Variants in GGH observed in about 807,000 individuals in gnomAD.
The protein encoded by GGH is gamma-glutamyl hydrolase.
A neutral mutation model predicts 39.2 loss-of-function variants in GGH; 18 were observed. The ratio of observed to expected loss-of-function variants is 0.46; its 90% CI spans 0.32 to 0.68. GGH has a LOEUF of 0.68. Ranked by LOEUF, GGH falls within the 30% of genes least tolerant of loss-of-function variation. The pLI is 0.04. For synonymous variants in GGH, 147 were observed against 138.8 expected (o/e 1.06, Z -0.42); for missense variants, 367 against 384.1 (o/e 0.96, Z 0.37).
chr8:63,020,971 A>G (rs978726563), intron 7 of GGH, among the ~76,000 whole-genome samples: 2 of 152,168 alleles, frequency 1.3e-5, no homozygotes, highest in East Asian at 1.9e-4. Flanking sequence ...AGCAAGGTAC[A>G]TCGGATTGGG....
chr8:63,030,195 A>T lies in GGH; in HGVS notation c.247T>A (p.Tyr83Asn), dbSNP rs755491329. 2 of 1,448,166 alleles carry T rather than the reference A, an allele frequency of 1.4e-6. No homozygotes were observed. Among genetic ancestry groups the T allele is most frequent in the Non-Finnish European group, 9.7e-7 (1 of 1,029,512 alleles). The allele number at this position is 1,448,166 out of a possible 1,614,324, so 89.7% of individuals were successfully genotyped here. A position where few individuals can be genotyped will look rare whatever the true frequency, so the allele number is the denominator to read the frequency against. ...PVRLDLTEKD[Y>N]EILFKSINGI... ...TTAATAGATTTGAAAAGTATTTCAT[A>T]GTCTTTCTCTGTAAGATCCAGCCTG... The change falls in exon 3 of 9, where the codon TAT becomes AAT. Residue 83 changes from tyrosine to asparagine, a missense_variant. Coordinates refer to ENST00000260118, the MANE Select transcript of GGH (RefSeq NM_003878.3).
chr8:63,019,348 T>G (rs4317561), intron 7 of GGH, among the ~76,000 whole-genome samples: 1 of 152,240 alleles, frequency 6.6e-6, no homozygotes, highest in South Asian at 2.1e-4. Context: ...AAAATTAAAG[T>G]TGAGCAAACT....
intron 7 of GGH, among the ~76,000 whole-genome samples, chr8:63,022,966 G>T (rs185106762): frequency 3.2e-4 from 49 of 152,034 alleles, no homozygotes; most frequent in African/African-American, 1.0e-3. Flanking sequence ...ATTTGTGCAG[G>T]TCTGCTTCCA....
At chr8:63,025,336 G>A (rs1483285086) in intron 5 of GGH, 1 of 152,098 alleles carries the variant, frequency 6.6e-6, no homozygotes, top group Non-Finnish European at 1.5e-5. Flanking sequence ...TATGAAAGAG[G>A]GGCTGGAGAT....
At chr8:63,036,549 A>C (rs1039966317) in intron 1 of GGH, among the ~76,000 whole-genome samples, 1 of 152,198 alleles carries the variant, frequency 6.6e-6, no homozygotes, top group African/African-American at 2.4e-5. Context: ...AGCACTAAGG[A>C]GAGAAAGACG....
At chr8:63,025,190 A>G (rs370826478) in intron 5 of GGH, 15 of 152,204 alleles carry the variant, frequency 9.9e-5, no homozygotes, top group African/African-American at 2.7e-4. Context: ...CCGGAATGAT[A>G]TAAGTATTTT....
At chr8:63,015,985 T>G (rs1804481854) in intron 8 of GGH, among the ~76,000 whole-genome samples, 1 of 151,480 alleles carries the variant, frequency 6.6e-6, no homozygotes. Flanking sequence ...GCTACAAGAG[T>G]AAAAAAGATG....
At chr8:63,031,099 T>G (rs982683514) in intron 2 of GGH, among the ~76,000 whole-genome samples, 10 of 152,174 alleles carry the variant, frequency 6.6e-5, no homozygotes, top group Admixed American at 5.2e-4. Flanking sequence ...CTAAAAGAAG[T>G]AGACTTATGA....
At chr8:63,022,543 C>T (rs899196632) in intron 7 of GGH, among the ~76,000 whole-genome samples, 1 of 151,326 alleles carries the variant, frequency 6.6e-6, no homozygotes, top group African/African-American at 2.4e-5. Context: ...GGTTTTATTT[C>T]AATTATAATT....
chr8:63,020,924 TGCAGCAA>T (rs1804573955), intron 7 of GGH, among the ~76,000 whole-genome samples: 4 of 152,158 alleles, frequency 2.6e-5, no homozygotes, highest in Non-Finnish European at 5.9e-5. Flanking sequence ...AGGCTGCTGC[TGCAGCAA>T]TCCAGGTGGC....
At chr8:63,026,031 TA>T (rs2129655398) in intron 5 of GGH, 126 bp downstream of exon 5, 2 of 700,928 alleles carry the variant, frequency 2.9e-6, no homozygotes, top group East Asian at 5.7e-5. Context: ...GCTAATGTCA[TA>T]AGCATTTTTT....
intron 8 of GGH, among the ~76,000 whole-genome samples, 199 bp from the exon 9 acceptor site, chr8:63,015,652 A>G (rs35885634): frequency 1.8e-4 from 28 of 151,940 alleles, no homozygotes; most frequent in Middle Eastern, 6.8e-3. Flanking sequence ...AAAAAAAAAA[A>G]AAGAAGAAGA....
At chr8:63,029,000 C>A in intron 3 of GGH, among the ~76,000 whole-genome samples, 1 of 152,170 alleles carries the variant, frequency 6.6e-6, no homozygotes, top group East Asian at 1.9e-4. Flanking sequence ...AAATGTTTTA[C>A]TAAATTGAAC....
intron 7 of GGH, chr8:63,017,831 A>G (rs1439834179): frequency 4.3e-6 from 2 of 463,890 alleles, no homozygotes; most frequent in Admixed American, 4.1e-5. Flanking sequence ...ACTGATTAGC[A>G]ACCTTTTACA....
chr8:63,036,714 T>A (rs188792630), intron 1 of GGH, among the ~76,000 whole-genome samples: 337 of 152,128 alleles, frequency 2.2e-3, no homozygotes, highest in African/African-American at 7.9e-3. Flanking sequence ...AAAAGAGCAA[T>A]CCAGGACAAA....
chr8:63,032,605 A>C (rs1804826038), intron 2 of GGH, among the ~76,000 whole-genome samples: 1 of 152,186 alleles, frequency 6.6e-6, no homozygotes, highest in African/African-American at 2.4e-5. Context: ...TAAACCACAG[A>C]AGTTGACTCC....
chr8:63,016,332 A>G (rs1422748093), intron 8 of GGH, among the ~76,000 whole-genome samples: 1 of 151,298 alleles, frequency 6.6e-6, no homozygotes, highest in Non-Finnish European at 1.5e-5. Context: ...TTTTTTTTTA[A>G]TTTGGAGTTT....
In GGH at chr8:63,026,198, T is replaced by C; in HGVS notation, c.459A>G (p.Thr153=). Residue 153 remains threonine (T), a synonymous_variant, in exon 5 of 9, where the codon ACA becomes ACG. Transcript: ENST00000260118. ...GCGGCATTGCCACGTCAACAGTATC[T>C]GTGGCAGTTAATAAGCACTCTCCAC... is the stretch of plus-strand genomic sequence containing the variant. ...LISGECLLTA[T]DTVDVAMPLN... 1 of 1,609,480 alleles carries C rather than the reference T, an allele frequency of 6.2e-7. No individual in the cohort carries two copies. The highest frequency in any genetic ancestry group is 1.1e-5 in the South Asian group (1 of 90,276).
intron 3 of GGH, chr8:63,028,154 C>T (rs1444344721): frequency 1.3e-5 from 2 of 151,998 alleles, no homozygotes; most frequent in Non-Finnish European, 2.9e-5. Context: ...CCTGGAGAGA[C>T]AAACATGAGT....
Sources: allele counts gnomAD v4.1 joint callset (sites outside exome capture counted in the v4.1 genomes callset), GRCh38; gene constraint gnomAD v4.1.1; transcripts MANE v1.5; gene names NCBI Gene and HGNC (gene_info 2026-07-23, HGNC 2026-07-21).